PTPRO: variants seen among roughly 807,000 people sequenced by gnomAD.
PTPRO encodes receptor-type tyrosine-protein phosphatase O.
Under a neutral mutation model 145.2 loss-of-function variants are expected in PTPRO, and 62 were observed. The observed-to-expected ratio is 0.43, with a 90% CI of 0.35 to 0.53. PTPRO has a LOEUF of 0.53. Among genes scored for constraint, PTPRO ranks in the 20% least tolerant of loss-of-function variants. The pLI is 0.01. For missense variants in PTPRO, 1,345 were observed against 1,482.7 expected, an observed-to-expected ratio of 0.91 and a Z score of 1.53; for synonymous variants, 565 against 514.7, an observed-to-expected ratio of 1.10 and a Z score of -1.32.
At chr12:15,545,269 A>G (rs1321604093) in intron 12 of PTPRO, among the ~76,000 whole-genome samples, 1 of 151,770 alleles carries the variant, frequency 6.6e-6, no homozygotes, top group African/African-American at 2.4e-5. Context: ...GAAACCTACA[A>G]CAGTGGGTAG....
chr12:15,536,705 T>C (rs1591700805), intron 12 of PTPRO, among the ~76,000 whole-genome samples: 1 of 152,346 alleles, frequency 6.6e-6, no homozygotes, highest in East Asian at 1.9e-4. Flanking sequence ...TTAGGTAATA[T>C]GACCATACAT....
chr12:15,386,021 AGTAGAGTTCACAAAGCT>A (rs1939017170), intron 1 of PTPRO, among the ~76,000 whole-genome samples: 1 of 152,150 alleles, frequency 6.6e-6, no homozygotes. Context: ...TCACACTAAC[AGTAGAGTTCACAAAGCT>A]GCAGAGAATA....
At chr12:15,536,665 A>G (rs1025416986) in intron 12 of PTPRO, among the ~76,000 whole-genome samples, 2 of 152,202 alleles carry the variant, frequency 1.3e-5, no homozygotes, top group African/African-American at 4.8e-5. Context: ...TAGATTGTTC[A>G]GGGCAAGGAT....
At chr12:15,584,153 C>G (rs570446640) in intron 23 of PTPRO, among the ~76,000 whole-genome samples, 2 of 152,246 alleles carry the variant, frequency 1.3e-5, no homozygotes, top group Non-Finnish European at 2.9e-5. Context: ...GTCTGCCTCC[C>G]CAGTATACTG....
intron 7 of PTPRO, among the ~76,000 whole-genome samples, chr12:15,513,288 G>A (rs1942507277): frequency 6.7e-6 from 1 of 148,856 alleles, no homozygotes; most frequent in African/African-American, 2.4e-5. Flanking sequence ...GGGAGGGAAG[G>A]AAGGAAGGAA....
intron 1 of PTPRO, among the ~76,000 whole-genome samples, chr12:15,472,857 A>G (rs1049438232): frequency 6.6e-6 from 1 of 152,328 alleles, no homozygotes; most frequent in Non-Finnish European, 1.5e-5. Context: ...TGGGGCAGAA[A>G]TTACAAACAC....
At chr12:15,555,138 T>G (rs1047668668) in intron 15 of PTPRO, among the ~76,000 whole-genome samples, 1 of 152,038 alleles carries the variant, frequency 6.6e-6, no homozygotes, top group Non-Finnish European at 1.5e-5. Context: ...CTCAGGAGAC[T>G]GAGGCAGAAG....
intron 1 of PTPRO, among the ~76,000 whole-genome samples, chr12:15,380,461 G>A (rs1335098555): frequency 6.6e-6 from 1 of 152,098 alleles, no homozygotes; most frequent in African/African-American, 2.4e-5. Flanking sequence ...GAAGTCAGAT[G>A]AACAAGCACA....
intron 1 of PTPRO, among the ~76,000 whole-genome samples, chr12:15,417,803 G>C (rs369525594): frequency 6.6e-6 from 1 of 151,628 alleles, no homozygotes; most frequent in Non-Finnish European, 1.5e-5. Flanking sequence ...ACTGAGATTC[G>C]CCAGGGCCTT....
intron 1 of PTPRO, among the ~76,000 whole-genome samples, chr12:15,390,551 T>C (rs1191853351): frequency 6.6e-6 from 1 of 151,842 alleles, no homozygotes; most frequent in African/African-American, 2.4e-5. Context: ...CACGCGGGAA[T>C]TATGGGAGCT....
At chr12:15,360,785 TGTGTGTATATGTGTGTATATATAC>T in intron 1 of PTPRO, among the ~76,000 whole-genome samples, 1 of 146,232 alleles carries the variant, frequency 6.8e-6, no homozygotes, top group Non-Finnish European at 1.5e-5. Context: ...TGTGTATATA[TGTGTGTATATGTGTGTATATATAC>T]GTGTGTATAT....
intron 19 of PTPRO, among the ~76,000 whole-genome samples, chr12:15,573,433 C>A (rs1374207376): frequency 2.0e-5 from 3 of 152,168 alleles, no homozygotes; most frequent in Non-Finnish European, 4.4e-5. Flanking sequence ...GACACTATAG[C>A]CTAGTCAAGT....
intron 1 of PTPRO, among the ~76,000 whole-genome samples, chr12:15,393,628 AT>A (rs56808064): frequency 0.048 from 6,876 of 141,894 alleles, 329 homozygotes; most frequent in African/African-American, 0.13. Flanking sequence ...GTACACTAGG[AT>A]TTTTTTTTTT....
At chr12:15,378,399 G>A (rs964664672) in intron 1 of PTPRO, among the ~76,000 whole-genome samples, 5 of 151,790 alleles carry the variant, frequency 3.3e-5, no homozygotes. Context: ...ATTCTTATAA[G>A]AAAATACACT....
intron 2 of PTPRO, among the ~76,000 whole-genome samples, chr12:15,485,819 T>C (rs528532500): frequency 6.6e-6 from 1 of 152,300 alleles, no homozygotes; most frequent in African/African-American, 2.4e-5. Context: ...TTTGTGATGT[T>C]TTTCTTTGAC....
intron 25 of PTPRO, among the ~76,000 whole-genome samples, chr12:15,592,007 T>C (rs756651325): frequency 8.5e-5 from 13 of 152,208 alleles, no homozygotes; most frequent in Non-Finnish European, 1.5e-4. Context: ...ACTTACTTTT[T>C]CCAACTTTTC....
chr12:15,480,488 G>C (rs1941755250), intron 1 of PTPRO, among the ~76,000 whole-genome samples: 1 of 152,128 alleles, frequency 6.6e-6, no homozygotes, highest in South Asian at 2.1e-4. Flanking sequence ...TTTTAGCTTT[G>C]GCTGGGCTAC....
intron 14 of PTPRO, among the ~76,000 whole-genome samples, chr12:15,549,512 G>A (rs1159637449): frequency 6.6e-6 from 1 of 152,108 alleles, no homozygotes; most frequent in Non-Finnish European, 1.5e-5. Context: ...CTAAATGCTA[G>A]TTGCTAACTC....
intron 1 of PTPRO, among the ~76,000 whole-genome samples, chr12:15,408,792 T>G (rs1428757736): frequency 1.3e-5 from 2 of 152,294 alleles, no homozygotes; most frequent in East Asian, 3.9e-4. Flanking sequence ...AAATATGTCT[T>G]ATTTCCCATT....
Sources: gnomAD v4.1 joint callset for allele counts (sites outside exome capture counted in the v4.1 genomes callset) on GRCh38, gnomAD v4.1.1 for gene constraint, MANE v1.5 for transcripts, NCBI Gene and HGNC (gene_info 2026-07-23, HGNC 2026-07-21) for gene names.